The following PDZK1 variants were observed in gnomAD, a reference collection of about 807,000 sequenced individuals.
PDZK1 encodes the protein PDZ domain containing 1.
In PDZK1, 23 loss-of-function variants were observed where a neutral mutation model predicts 38.1. That is an observed-to-expected ratio of 0.60 (90% CI 0.43 to 0.85). PDZK1 has a LOEUF of 0.85. Ranked by LOEUF, PDZK1 falls within the 40% of genes least tolerant of loss-of-function variation. The pLI is 0.00. For synonymous variants in PDZK1, 98 were observed against 186.2 expected, an observed-to-expected ratio of 0.53 and a Z score of 3.86; for missense variants, 297 against 504.3, an observed-to-expected ratio of 0.59 and a Z score of 3.94.
chr1:145,698,945 T>C (rs1023667781), intron 1 of PDZK1, among the ~76,000 whole-genome samples: 11 of 143,258 alleles, frequency 7.7e-5, no homozygotes, highest in Admixed American at 2.1e-4. Context: ...CCTCAAAAAA[T>C]AAAAAATAAA....
intron 5 of PDZK1, among the ~76,000 whole-genome samples, chr1:145,679,224 T>G (rs1196053891): frequency 1.3e-5 from 2 of 151,466 alleles, no homozygotes; most frequent in African/African-American, 4.9e-5. Context: ...CTGCTGGGTA[T>G]CTCCAACAAA....
intron 1 of PDZK1, 61 bp from the exon 2 acceptor site, chr1:145,688,084 C>A (rs1654952153): frequency 1.5e-6 from 2 of 1,349,172 alleles, no homozygotes; most frequent in East Asian, 4.6e-5. Flanking sequence ...GGAGTGAGAA[C>A]CCCATCCTCC....
intron 1 of PDZK1, among the ~76,000 whole-genome samples, chr1:145,695,947 ACTT>A (rs1553704052): frequency 6.6e-6 from 1 of 152,022 alleles, no homozygotes; most frequent in Non-Finnish European, 1.5e-5. Flanking sequence ...TGTCCAAAAC[ACTT>A]CTTTACACTC....
intron 3 of PDZK1, among the ~76,000 whole-genome samples, chr1:145,686,142 T>C (rs1465964127): frequency 6.6e-6 from 1 of 152,138 alleles, no homozygotes; most frequent in Non-Finnish European, 1.5e-5. Context: ...TGCCCTTCAT[T>C]TTCACCCTAA....
At chr1:145,692,073 G>A (rs1328663448) in intron 1 of PDZK1, among the ~76,000 whole-genome samples, 1 of 152,052 alleles carries the variant, frequency 6.6e-6, no homozygotes, top group Non-Finnish European at 1.5e-5. Context: ...AGAATAATGT[G>A]GCCGTGGTCA....
intron 6 of PDZK1, chr1:145,674,399 T>C (rs1442693860): frequency 2.1e-6 from 1 of 474,644 alleles, no homozygotes; most frequent in Non-Finnish European, 2.8e-6. Flanking sequence ...TTGACTGGAT[T>C]AAGGAATACC....
intron 1 of PDZK1, among the ~76,000 whole-genome samples, chr1:145,697,920 G>A (rs1252372054): frequency 2.0e-5 from 3 of 151,478 alleles, no homozygotes; most frequent in African/African-American, 4.9e-5. Flanking sequence ...ACCCAGCCTG[G>A]ATGTTTTTAT....
chr1:145,693,338 C>A (rs1044826269), intron 1 of PDZK1, among the ~76,000 whole-genome samples: 1 of 152,152 alleles, frequency 6.6e-6, no homozygotes, highest in Non-Finnish European at 1.5e-5. Flanking sequence ...TCGCAATCAC[C>A]TTACAAGTTT....
At chr1:145,677,910 T>TAAAAAAAAAAAA (rs71077285) in intron 6 of PDZK1, among the ~76,000 whole-genome samples, 6 of 68,600 alleles carry the variant, frequency 8.7e-5, no homozygotes, top group Non-Finnish European at 1.1e-4. Context: ...GTGTTAAAAG[T>TAAAAAAAAAAAA]AAAAAAAAAA....
intron 6 of PDZK1, chr1:145,676,202 G>T (rs1395780134): frequency 4.1e-6 from 4 of 983,328 alleles, no homozygotes; most frequent in Non-Finnish European, 4.8e-6. Flanking sequence ...CTTCTTTTTC[G>T]ATCAAAGTTC....
At position 145,693,590 on chromosome 1, in the gene PDZK1, C is replaced by T. The variant is rs1655413909; in HGVS notation, c.-2-5567G>A. 2.0e-5 allele frequency among the ~76,000 whole-genome samples: 3 copies of T among 151,934 alleles called. No homozygotes were observed. The South Asian group carries it at 6.2e-4, about 32-fold the overall frequency. On this transcript the variant is annotated intron_variant, in intron 1 of 8. Transcript: ENST00000417171. ...GAGATCGATACCATCCTGGCTAACACCGTGAAACCCCGTCTCTACTAAAAA... is the reference window on the plus strand; with the variant it reads ...GAGATCGATACCATCCTGGCTAACATCGTGAAACCCCGTCTCTACTAAAAA...
At position 145,686,585 on chromosome 1, in the gene PDZK1, T is replaced by C. The variant is rs1654795044; in HGVS notation, c.352A>G (p.Ile118Val). ...CCTCCATTCATCACAGGGGAAAGTA[T>C]ATTATCACTCAAACCTTGCTCCTTC... ...SQKEQGLSDN[I>V]LSPVMNGGVQ... is the part of the protein sequence containing the mutation. The change falls in exon 3 of 9, where the codon ATA becomes GTA. Residue 118 changes from isoleucine (I) to valine (V), a missense_variant. This residue lies in a region of PDZK1 where 159 missense variants were observed against 200.0 expected (regional missense o/e 0.79). Coordinates refer to ENST00000417171, the MANE Select transcript of PDZK1 (RefSeq NM_001201325.2). The C allele has an allele frequency of 1.2e-6, 2 of 1,608,132 alleles. No individual in the cohort carries two copies. Among genetic ancestry groups the C allele is most frequent in the East Asian group, 2.2e-5 (1 of 44,818 alleles).
intron 1 of PDZK1, among the ~76,000 whole-genome samples, chr1:145,699,019 C>T (rs1250455137): frequency 2.0e-5 from 3 of 152,038 alleles, no homozygotes; most frequent in Admixed American, 6.6e-5. Flanking sequence ...AGGCGGATCA[C>T]CTGAGGTCAG....
At chr1:145,686,051 CAG>C (rs1334403393) in intron 3 of PDZK1, among the ~76,000 whole-genome samples, 1 of 152,022 alleles carries the variant, frequency 6.6e-6, no homozygotes, top group Non-Finnish European at 1.5e-5. Flanking sequence ...TCTGGGCACT[CAG>C]ATAAAAAAAA....
chr1:145,687,863 G>A lies in PDZK1; in HGVS notation c.159C>T (p.Asp53=). The stretch of plus-strand genomic sequence containing the variant: ...AGACACCATTGATCCTAAGAACTCT[G>A]TCTCCATCTTGAAGGCCAGCCTTCT... ...PAEKAGLQDG[D]RVLRINGVFV... Residue 53 remains aspartate (D), a synonymous_variant, in exon 2 of 9, where the codon GAC becomes GAT. Coordinates refer to ENST00000417171, the MANE Select transcript of PDZK1 (RefSeq NM_001201325.2). 1 of 1,613,936 alleles carries A rather than the reference G, an allele frequency of 6.2e-7. No individual in the cohort carries two copies.
At position 145,686,633 on chromosome 1, in the gene PDZK1, A is replaced by G. The variant is rs587640360; in HGVS notation, c.304T>C (p.Leu102=). 6.2e-7 allele frequency: 1 copy of G among 1,601,394 alleles called. No homozygotes were observed. Among genetic ancestry groups the G allele is most frequent in the African/African-American group, 1.3e-5 (1 of 74,558 alleles). ...YEKAVKTRVD[L]KELGQSQKEQ... The stretch of plus-strand genomic sequence containing the variant: ...TTCTGACTTTGACCCAACTCTTTCA[A>G]GTCCACCCGTGTTTTCACTGCTTTC... Residue 102 remains leucine (L), a synonymous_variant, in exon 3 of 9, where the codon TTG becomes CTG. Coordinates refer to ENST00000417171, the MANE Select transcript of PDZK1 (RefSeq NM_001201325.2).
rs1199568715 is a variant in PDZK1, at chr1:145,692,719, AAAG to A, written c.-2-4699_-2-4697del. On this transcript the variant is annotated intron_variant, in intron 1 of 8. Transcript: ENST00000417171. ...TGAGATTCCGTCTCAAAAAAAAAAA[AAAG>A]AAGAAGAAGAAAGAAAGAAAAAGAA... Among the ~76,000 whole-genome samples the A allele has an allele frequency of 3.0e-4, 46 of 150,938 alleles. 1 individual carries two copies. Among genetic ancestry groups the A allele is most frequent in the African/African-American group, 9.5e-4 (39 of 41,070 alleles).
chr1:145,677,910 T>TA (rs71077285), intron 6 of PDZK1, among the ~76,000 whole-genome samples: 3,567 of 68,628 alleles, frequency 0.052, 191 homozygotes, highest in Non-Finnish European at 0.069. Context: ...GTGTTAAAAG[T>TA]AAAAAAAAAA....
At chr1:145,684,067 G>A (rs1341573532) in intron 3 of PDZK1, among the ~76,000 whole-genome samples, 3 of 151,294 alleles carry the variant, frequency 2.0e-5, no homozygotes, top group East Asian at 3.9e-4. Context: ...GGCTTGTCTC[G>A]AACTCCTGAC....
Sources: allele counts gnomAD v4.1 joint callset (sites outside exome capture counted in the v4.1 genomes callset), GRCh38; gene constraint gnomAD v4.1.1; regional missense constraint gnomAD v4.1.1; transcripts MANE v1.5; gene names NCBI Gene and HGNC (gene_info 2026-07-23, HGNC 2026-07-21).